Variants in CORO2B observed in about 807,000 individuals in gnomAD.
CORO2B encodes the protein coronin-2B.
A neutral mutation model predicts 58.8 loss-of-function variants in CORO2B; 26 were observed. That is an observed-to-expected ratio of 0.44 (90% CI 0.32 to 0.61). The LOEUF (loss-of-function observed/expected upper bound fraction) is 0.61. Among genes scored for constraint, CORO2B ranks in the 20% least tolerant of loss-of-function variants. The probability of loss-of-function intolerance (pLI) is 0.04; values close to 1 mark genes in which losing one functional copy is unlikely to be tolerated. For synonymous variants in CORO2B, 242 were observed against 253.8 expected (o/e 0.95, Z 0.44); for missense variants, 460 against 645.1 (o/e 0.71, Z 3.11).
At chr15:68,533,681 C>T in the CORO2B span, among the ~76,000 whole-genome samples, 1 of 152,238 alleles carries the variant, frequency 6.6e-6, no homozygotes, top group African/African-American at 2.4e-5. Context: ...GCCATTCCTC[C>T]CCAAGCATAG....
chr15:68,576,148 G>A (rs62002115), upstream of CORO2B, among the ~76,000 whole-genome samples: 27,329 of 71,192 alleles, frequency 0.38, 3,350 homozygotes, highest in African/African-American at 0.43. Context: ...GTGAGACTAC[G>A]TCGCAAAAAA....
intron 2 of CORO2B, among the ~76,000 whole-genome samples, chr15:68,686,667 G>A (rs565165025): frequency 1.3e-5 from 2 of 152,266 alleles, no homozygotes; most frequent in African/African-American, 4.8e-5. Flanking sequence ...GGGAGGTTGA[G>A]GCGGGTGGAT....
the CORO2B span, among the ~76,000 whole-genome samples, chr15:68,564,866 T>C: frequency 6.6e-6 from 1 of 152,234 alleles, no homozygotes; most frequent in African/African-American, 2.4e-5. Flanking sequence ...TGAAAATATT[T>C]TATTAGAAAT....
chr15:68,695,212 C>A lies in CORO2B; in HGVS notation c.289C>A (p.Pro97Thr). 1 of 1,614,132 alleles carries A rather than the reference C, an allele frequency of 6.2e-7. No individual in the cohort carries two copies. The highest frequency in any genetic ancestry group is 8.5e-7 in the Non-Finnish European group (1 of 1,180,026). Residue 97 changes from proline (P) to threonine (T), a missense_variant, in exon 3 of 12, where the codon CCC (proline) becomes ACC (threonine). This residue lies in a region of CORO2B where 352 missense variants were observed against 543.0 expected (regional missense o/e 0.65). Coordinates refer to ENST00000261861, the MANE Select transcript of CORO2B (RefSeq NM_006091.5). ...CAATGTGCTGGATATCAAATGGAACCCCTTCATCGACAACATCATTGCCTC... is the reference window on the plus strand; with the variant it reads ...CAATGTGCTGGATATCAAATGGAACACCTTCATCGACAACATCATTGCCTC... Reference protein sequence around the residue: ...QGNVLDIKWNPFIDNIIASCS... With the variant: ...QGNVLDIKWNTFIDNIIASCS...
At chr15:68,518,632 C>T in the CORO2B span, among the ~76,000 whole-genome samples, 1 of 152,154 alleles carries the variant, frequency 6.6e-6, no homozygotes, top group Non-Finnish European at 1.5e-5. Flanking sequence ...TGCTGCCAGA[C>T]TTGGGGCCTT....
chr15:68,646,333 C>A (rs1327460426), intron 2 of CORO2B, among the ~76,000 whole-genome samples: 3 of 152,182 alleles, frequency 2.0e-5, no homozygotes. Flanking sequence ...TGAGTTCCCC[C>A]TTCCCAGCCT....
intron 1 of CORO2B, among the ~76,000 whole-genome samples, chr15:68,581,983 G>A (rs759694487): frequency 4.6e-5 from 7 of 152,146 alleles, no homozygotes; most frequent in Non-Finnish European, 7.3e-5. Context: ...TGGACTGCAG[G>A]AGCTCTGAGC....
chr15:68,636,746 AGGTTT>A (rs1901045292), intron 1 of CORO2B, among the ~76,000 whole-genome samples: 1 of 152,106 alleles, frequency 6.6e-6, no homozygotes, highest in Non-Finnish European at 1.5e-5. Flanking sequence ...CCAGGTGTGG[AGGTTT>A]GGATTGATTC....
intron 11 of CORO2B, 148 bp from the exon 12 acceptor site, chr15:68,725,695 C>T: frequency 1.0e-6 from 1 of 996,294 alleles, no homozygotes; most frequent in Non-Finnish European, 1.5e-6. Context: ...AATAAATGCA[C>T]CTGGGGAGAA....
At chr15:68,543,347 C>T in the CORO2B span, among the ~76,000 whole-genome samples, 1 of 152,136 alleles carries the variant, frequency 6.6e-6, no homozygotes, top group Non-Finnish European at 1.5e-5. Context: ...CTGGGAAATG[C>T]CTCTCTCTCC....
the CORO2B span, among the ~76,000 whole-genome samples, chr15:68,532,829 C>T: frequency 6.6e-6 from 1 of 152,146 alleles, no homozygotes; most frequent in Non-Finnish European, 1.5e-5. Context: ...TTTATTAGGG[C>T]AGCTCTGGTA....
chr15:68,694,156 G>A (rs1308570804), intron 2 of CORO2B, among the ~76,000 whole-genome samples: 2 of 152,110 alleles, frequency 1.3e-5, no homozygotes, highest in African/African-American at 4.8e-5. Context: ...ATAATGGAGG[G>A]AAGCACAGAA....
At chr15:68,567,428 A>G in the CORO2B span, among the ~76,000 whole-genome samples, 2 of 152,192 alleles carry the variant, frequency 1.3e-5, no homozygotes, top group African/African-American at 4.8e-5. Context: ...TCACCAGGAG[A>G]TACATGGAGA....
At chr15:68,658,368 G>A (rs930433) in intron 2 of CORO2B, among the ~76,000 whole-genome samples, 47,598 of 152,118 alleles carry the variant, frequency 0.31, 7,728 homozygotes, top group East Asian at 0.45. Flanking sequence ...TGGGGGCCTC[G>A]TCCCCGCCTG....
chr15:68,539,496 A>C, the CORO2B span, among the ~76,000 whole-genome samples: 2 of 151,824 alleles, frequency 1.3e-5, no homozygotes, highest in African/African-American at 4.8e-5. Context: ...AACATGGCAA[A>C]ACCCCATCTC....
intron 3 of CORO2B, among the ~76,000 whole-genome samples, chr15:68,702,386 T>G (rs1892673604): frequency 6.6e-6 from 1 of 152,178 alleles, no homozygotes; most frequent in Non-Finnish European, 1.5e-5. Flanking sequence ...CTCCCAGGAC[T>G]CACAGCAGTA....
rs78992606 is a variant in CORO2B at position 68,664,430 on chromosome 15, G to A, written c.216+19070G>A. Among the ~76,000 whole-genome samples, 504 of 152,260 alleles carry A rather than the reference G, an allele frequency of 3.3e-3. 16 individuals carry two copies. In the East Asian group the frequency reaches 0.086, roughly 26 times the overall value. On this transcript the variant is annotated intron_variant, in intron 2 of 11. Coordinates refer to ENST00000261861, the MANE Select transcript of CORO2B (RefSeq NM_006091.5). ...TGGGAGGCCAAGACAGGCGGATCAC[G>A]AGGTCAGGAGATCGAGCCCATCCTG...
intron 2 of CORO2B, among the ~76,000 whole-genome samples, chr15:68,692,284 T>G (rs1338721092): frequency 3.9e-5 from 6 of 152,198 alleles, no homozygotes; most frequent in African/African-American, 7.2e-5. Context: ...GACCCGCCTC[T>G]GCTTAGAGTC....
chr15:68,578,102 G>A (rs1301712076), upstream of CORO2B, among the ~76,000 whole-genome samples: 1 of 152,166 alleles, frequency 6.6e-6, no homozygotes, highest in Non-Finnish European at 1.5e-5. The surrounding 1 kb of genome is among the most constrained non-coding windows in gnomAD (Gnocchi z 4.2). Flanking sequence ...CAAGACTTGC[G>A]AGGTCACCTT....
Sources: allele counts gnomAD v4.1 joint callset (sites outside exome capture counted in the v4.1 genomes callset), GRCh38; gene constraint gnomAD v4.1.1; regional missense constraint gnomAD v4.1.1; non-coding constraint Gnocchi (gnomAD v3.1); transcripts MANE v1.5; gene names NCBI Gene and HGNC (gene_info 2026-07-23, HGNC 2026-07-21).